Variants in DOCK2 observed in about 807,000 individuals in gnomAD.
DOCK2 encodes dedicator of cytokinesis 2.
A neutral mutation model predicts 248.9 loss-of-function variants in DOCK2; 87 were observed. The ratio of observed to expected loss-of-function variants is 0.35; its 90% confidence interval spans 0.29 to 0.42. DOCK2 has a LOEUF of 0.42. Ranked by LOEUF, DOCK2 falls within the 10% of genes least tolerant of loss-of-function variation. The pLI is 1.00. For missense variants in DOCK2, 1,747 were observed against 2,300.2 expected, an observed-to-expected ratio of 0.76 and a Z score of 4.92; for synonymous variants, 805 against 821.6, an observed-to-expected ratio of 0.98 and a Z score of 0.35.
chr5:170,004,105 A>T (rs910498956), intron 30 of DOCK2, among the ~76,000 whole-genome samples: 1 of 152,262 alleles, frequency 6.6e-6, no homozygotes, highest in African/African-American at 2.4e-5. Context: ...AGATTTGTAC[A>T]AAAATGTTCA....
At chr5:169,796,105 C>T (rs1448326979) in intron 25 of DOCK2, among the ~76,000 whole-genome samples, 3 of 152,186 alleles carry the variant, frequency 2.0e-5, no homozygotes, top group Non-Finnish European at 2.9e-5. Flanking sequence ...GGCTTAGAAA[C>T]GTGGGCACTC....
chr5:169,841,717 C>T (rs1045777167), intron 27 of DOCK2, among the ~76,000 whole-genome samples: 6 of 152,226 alleles, frequency 3.9e-5, no homozygotes, highest in Non-Finnish European at 7.3e-5. Flanking sequence ...ACCCTGTCTA[C>T]AATTCCCAGT....
chr5:170,027,327 C>T (rs1033067928), intron 33 of DOCK2, among the ~76,000 whole-genome samples: 3 of 151,956 alleles, frequency 2.0e-5, no homozygotes, highest in African/African-American at 7.3e-5. Flanking sequence ...CCCACCAGAG[C>T]CCCAAGGACT....
chr5:169,867,617 T>C (rs1448698742), intron 27 of DOCK2, among the ~76,000 whole-genome samples: 1 of 103,266 alleles, frequency 9.7e-6, no homozygotes, highest in Non-Finnish European at 1.9e-5. Flanking sequence ...TCATGTATCA[T>C]TATCTATCAT....
intron 25 of DOCK2, among the ~76,000 whole-genome samples, chr5:169,785,379 T>C (rs1403932853): frequency 6.6e-6 from 1 of 152,184 alleles, no homozygotes; most frequent in East Asian, 1.9e-4. Context: ...TCAGAGAGTG[T>C]GAATGAAGAA....
chr5:169,808,298 A>G (rs934574862), intron 26 of DOCK2, among the ~76,000 whole-genome samples: 4 of 152,130 alleles, frequency 2.6e-5, no homozygotes, highest in African/African-American at 9.7e-5. Context: ...CCAAGCTTCC[A>G]TTTGGGGGGC....
At chr5:170,012,162 T>C (rs1755323779) in intron 32 of DOCK2, among the ~76,000 whole-genome samples, 1 of 152,164 alleles carries the variant, frequency 6.6e-6, no homozygotes, top group Non-Finnish European at 1.5e-5. Flanking sequence ...GCAATGTTCT[T>C]ACAAATAATT....
At chr5:169,944,088 G>A (rs771758397) in intron 27 of DOCK2, among the ~76,000 whole-genome samples, 2 of 152,176 alleles carry the variant, frequency 1.3e-5, no homozygotes, top group Non-Finnish European at 2.9e-5. Flanking sequence ...CACTTTACCT[G>A]GATTATGTCA....
rs190474593 is a variant in DOCK2 at position 169,980,935 on chromosome 5, T to C, written c.2800-2133T>C. ...CCCTGAGAGTCCCAGCTTTGTGATC[T>C]CCGCCGGATTTGCATGTTTTCTAGT... On this transcript the variant is annotated intron_variant, in intron 27 of 51. Coordinates refer to ENST00000520908, the MANE Select transcript of DOCK2 (RefSeq NM_004946.3). 2.4e-4 allele frequency among the ~76,000 whole-genome samples: 37 copies of C among 152,314 alleles called. 1 individual carries two copies. The highest frequency in any genetic ancestry group is 1.9e-3 in the East Asian group (10 of 5,174).
intron 44 of DOCK2, among the ~76,000 whole-genome samples, chr5:170,059,743 T>C (rs1167910919): frequency 6.6e-6 from 1 of 152,204 alleles, no homozygotes; most frequent in Non-Finnish European, 1.5e-5. Flanking sequence ...CTTACATAAA[T>C]TAATCAGTCA....
intron 32 of DOCK2, among the ~76,000 whole-genome samples, chr5:170,018,008 A>C (rs572073389): frequency 5.3e-5 from 8 of 152,346 alleles, no homozygotes; most frequent in Admixed American, 2.0e-4. Context: ...TGATCATCTG[A>C]TAAGTCCTGT....
intron 3 of DOCK2, among the ~76,000 whole-genome samples, chr5:169,670,134 C>T (rs550996079): frequency 1.6e-4 from 25 of 152,288 alleles, no homozygotes; most frequent in East Asian, 3.9e-4. Flanking sequence ...GAAGGGTGAC[C>T]GCTTTCCGGA....
chr5:169,654,590 CT>C, intron 2 of DOCK2, 104 bp downstream of exon 2: 2 of 1,192,954 alleles, frequency 1.7e-6, no homozygotes, highest in Non-Finnish European at 2.4e-6. Flanking sequence ...ACTGTGTGGT[CT>C]ATTTAAAAAC....
intron 51 of DOCK2, 79 bp downstream of exon 51, chr5:170,082,063 G>C (rs573813629): frequency 2.2e-5 from 34 of 1,563,952 alleles, no homozygotes; most frequent in Non-Finnish European, 2.4e-5. Flanking sequence ...GAAGAAAATG[G>C]GGGGTTGTGT....
intron 5 of DOCK2, among the ~76,000 whole-genome samples, chr5:169,671,854 C>T (rs965132732): frequency 6.6e-6 from 1 of 152,076 alleles, no homozygotes; most frequent in Non-Finnish European, 1.5e-5. Context: ...ATGTTGACTC[C>T]CATGTGGACA....
intron 27 of DOCK2, among the ~76,000 whole-genome samples, chr5:169,912,148 G>A (rs1290962429): frequency 3.3e-5 from 5 of 152,160 alleles, no homozygotes; most frequent in Non-Finnish European, 7.3e-5. Flanking sequence ...AAAGGAAAGC[G>A]ACTATTATTT....
intron 44 of DOCK2, among the ~76,000 whole-genome samples, chr5:170,065,497 T>C (rs1269370293): frequency 6.6e-6 from 1 of 152,120 alleles, no homozygotes; most frequent in Non-Finnish European, 1.5e-5. Context: ...AATGATATTG[T>C]ATATTAGTCC....
chr5:169,991,114 G>A (rs1025123184), intron 29 of DOCK2, among the ~76,000 whole-genome samples: 4 of 152,266 alleles, frequency 2.6e-5, no homozygotes, highest in Non-Finnish European at 4.4e-5. Flanking sequence ...GCTCAGAAGA[G>A]TGGCTGAGTG....
intron 29 of DOCK2, among the ~76,000 whole-genome samples, chr5:169,992,682 C>G (rs1454539964): frequency 6.6e-6 from 1 of 152,114 alleles, no homozygotes; most frequent in African/African-American, 2.4e-5. Context: ...CCAGGCTAGT[C>G]TCGAACTCCT....
Sources: allele counts gnomAD v4.1 joint callset (sites outside exome capture counted in the v4.1 genomes callset), GRCh38; gene constraint gnomAD v4.1.1; transcripts MANE v1.5; gene names NCBI Gene and HGNC (gene_info 2026-07-23, HGNC 2026-07-21).